The following NSUN2 variants were observed in gnomAD, a reference collection of about 807,000 sequenced individuals.
The protein encoded by NSUN2 is NOP2/Sun RNA methyltransferase 2.
NSUN2 carries 63 observed loss-of-function variants against 92.7 expected under a neutral mutation model. That is an observed-to-expected ratio of 0.68 (90% CI 0.56 to 0.84). NSUN2 has a LOEUF of 0.84. NSUN2 is among the 40% of genes least tolerant of loss of function. The pLI is 0.00. For synonymous variants in NSUN2, 356 were observed against 348.3 expected (o/e 1.02, Z -0.25); for missense variants, 989 against 964.9 (o/e 1.02, Z -0.33).
In NSUN2 at chr5:6,600,079, G is replaced by A. The variant is rs376834349; in HGVS notation, c.2151C>T (p.Leu717=). The A allele has an allele frequency of 1.1e-5, 18 of 1,614,080 alleles. No homozygotes were observed. Among genetic ancestry groups the A allele is most frequent in the Non-Finnish European group, 1.4e-5 (16 of 1,180,048 alleles). ...LGEKKKEGVI[L]TNESAASTGQ... ...CGGTGCTGGCTGCACTCTCATTTGT[G>A]AGGATAACCCCTTCCTTCTTCTTTT... Residue 717 remains leucine (L), a synonymous_variant, in exon 19 of 19, where the codon CTC becomes CTT. Coordinates refer to ENST00000264670, the MANE Select transcript of NSUN2 (RefSeq NM_017755.6).
intron 3 of NSUN2, among the ~76,000 whole-genome samples, chr5:6,628,705 AGAT>A (rs1310991089): frequency 1.3e-5 from 2 of 152,240 alleles, no homozygotes; most frequent in Non-Finnish European, 2.9e-5. Context: ...TAAAACTGAC[AGAT>A]GAATTTGAAT....
At chr5:6,602,113 TG>T (rs1419072393) in intron 18 of NSUN2, among the ~76,000 whole-genome samples, 2 of 152,222 alleles carry the variant, frequency 1.3e-5, no homozygotes, top group Admixed American at 6.5e-5. Flanking sequence ...GAACCAGCCA[TG>T]AGGACAAAAG....
rs766148258 is a variant in NSUN2, at chr5:6,599,934, G to A, written c.2296C>T (p.Pro766Ser). 1.2e-6 allele frequency: 2 copies of A among 1,612,614 alleles called. No individual in the cohort carries two copies. The highest frequency in any genetic ancestry group is 2.2e-5 in the South Asian group (2 of 91,040). Reference sequence around the variant, plus strand: ...CGCTGCCTTGGGCCTGCTCACCGGGGTGGATGGACCCCCGCCGGGTCACAG... The same window carrying A: ...CGCTGCCTTGGGCCTGCTCACCGGGATGGATGGACCCCCGCCGGGTCACAG... Reference protein sequence around the residue: ...AGCDPAGVHPPR With the variant: ...AGCDPAGVHPSR The change falls in exon 19 of 19, where the codon CCC becomes TCC. Residue 766 changes from proline (P) to serine (S), a missense_variant. Around this residue, in one of 3 missense-constraint regions of NSUN2, gnomAD observed 626 missense variants for 602.3 expected, o/e 1.04. Transcript: ENST00000264670.
chr5:6,620,204 G>C lies in NSUN2; in HGVS notation c.717C>G (p.Val239=), dbSNP rs888683182. Residue 239 remains valine, a synonymous_variant, in exon 7 of 19, where the codon GTC becomes GTG. Transcript: ENST00000264670. ...TGGGTATGCTGGAGGCATCATGGTTGACCACCATGATGCAGGGGCTGCTCA... is the reference window on the plus strand; with the variant it reads ...TGGGTATGCTGGAGGCATCATGGTTCACCACCATGATGCAGGGGCTGCTCA... ...KRLSSPCIMV[V]NHDASSIPRL... 1 of 1,613,190 alleles carries C rather than the reference G, an allele frequency of 6.2e-7. No homozygotes were observed. The highest frequency in any genetic ancestry group is 8.5e-7 in the Non-Finnish European group (1 of 1,179,720).
intron 6 of NSUN2, chr5:6,621,097 A>G (rs3756424): frequency 0.68 from 103,916 of 151,980 alleles, 35,714 homozygotes; most frequent in Middle Eastern, 0.74. Context: ...CTGAACAAAG[A>G]TAGGACGAGA....
Position 6,633,015 on chromosome 5 carries a change from G to T in NSUN2, c.-36C>A, listed in dbSNP as rs540629845. The T allele has an allele frequency of 2.1e-6, 3 of 1,412,800 alleles. No homozygotes were observed. Among genetic ancestry groups the T allele is most frequent in the South Asian group, 1.5e-5 (1 of 65,236 alleles). The allele number at this position is 1,412,800 out of a possible 1,614,324, so 87.5% of individuals were successfully genotyped here. ...GCCGCGCACGCAGCACGCAGAAACCGGCCCGCCACGGCCAGAACTCTAGCC... is the reference window on the plus strand; with the variant it reads ...GCCGCGCACGCAGCACGCAGAAACCTGCCCGCCACGGCCAGAACTCTAGCC... On this transcript the variant is annotated 5_prime_UTR_variant, in exon 1 of 19. Coordinates refer to ENST00000264670, the MANE Select transcript of NSUN2 (RefSeq NM_017755.6).
At chr5:6,618,455 A>T (rs1408410084) in intron 7 of NSUN2, among the ~76,000 whole-genome samples, 3 of 152,226 alleles carry the variant, frequency 2.0e-5, no homozygotes, top group Non-Finnish European at 4.4e-5. Flanking sequence ...ATATTAGCTA[A>T]ATTTTTCCTA....
At chr5:6,619,187 C>T (rs1295544047) in intron 7 of NSUN2, among the ~76,000 whole-genome samples, 2 of 152,132 alleles carry the variant, frequency 1.3e-5, no homozygotes, top group Admixed American at 1.3e-4. Flanking sequence ...AACTTTAGTT[C>T]ATGATGTATT....
Position 6,633,008 on chromosome 5 carries a change from AG to A in NSUN2, c.-30del, listed in dbSNP as rs1738004869. Reference sequence around the variant, plus strand: ...CCACGCGGCCGCGCACGCAGCACGCAGAAACCGGCCCGCCACGGCCAGAACT... The same window carrying A: ...CCACGCGGCCGCGCACGCAGCACGCAAAACCGGCCCGCCACGGCCAGAACT... On this transcript the variant is annotated 5_prime_UTR_variant, in exon 1 of 19. Coordinates refer to ENST00000264670, the MANE Select transcript of NSUN2 (RefSeq NM_017755.6). The A allele has an allele frequency of 7.0e-7, 1 of 1,422,934 alleles. No individual in the cohort carries two copies. The highest frequency in any genetic ancestry group is 9.1e-7 in the Non-Finnish European group (1 of 1,099,896). 88.1% of individuals were successfully genotyped at this position (1,422,934 alleles called of 1,614,324 possible). A position where few individuals can be genotyped will look rare whatever the true frequency, so the allele number is the denominator to read the frequency against.
intron 9 of NSUN2, among the ~76,000 whole-genome samples, chr5:6,615,231 G>A (rs927925141): frequency 6.6e-6 from 1 of 152,146 alleles, no homozygotes; most frequent in Non-Finnish European, 1.5e-5. Context: ...AACTAGGCAT[G>A]CAAATTAATA....
intron 13 of NSUN2, 23 bp downstream of exon 13, chr5:6,607,177 C>T (rs1736810582): frequency 6.2e-7 from 1 of 1,611,722 alleles, no homozygotes; most frequent in African/African-American, 1.3e-5. Flanking sequence ...CGTATTAGAT[C>T]AAGACATAAC....
intron 3 of NSUN2, among the ~76,000 whole-genome samples, chr5:6,630,351 G>A (rs1280976870): frequency 6.6e-6 from 1 of 152,148 alleles, no homozygotes; most frequent in African/African-American, 2.4e-5. Context: ...TGTGGCCCAG[G>A]CTGGAGTGCA....
At chr5:6,605,530 C>T (rs1276540279) in intron 14 of NSUN2, 122 bp from the exon 15 acceptor site, 2 of 959,772 alleles carry the variant, frequency 2.1e-6, no homozygotes, top group Non-Finnish European at 1.6e-6. Flanking sequence ...TTCAAGGGCA[C>T]TGGGCTCTGC....
chr5:6,621,775 T>G, intron 6 of NSUN2: 1 of 416,688 alleles, frequency 2.4e-6, no homozygotes, highest in Non-Finnish European at 4.3e-6. Context: ...ATGCCATTCG[T>G]TTTTATAGAA....
intron 9 of NSUN2, among the ~76,000 whole-genome samples, chr5:6,615,847 A>G (rs1737188268): frequency 6.6e-6 from 1 of 152,258 alleles, no homozygotes; most frequent in African/African-American, 2.4e-5. Context: ...CAAAACATAA[A>G]AGGAGAAATA....
In NSUN2 at chr5:6,600,158, G is replaced by T. The variant is rs755083313; in HGVS notation, c.2072C>A (p.Pro691His). The part of the protein sequence containing the change: ...RGKASIRTFV[P>H]KNERLHYLRM... ...GAGATAATGAAGCCGTTCATTCTTG[G>T]GCACAAAAGTTCGAATGGAGGCCTT... The change falls in exon 19 of 19, where the codon CCC becomes CAC. Residue 691 changes from proline to histidine, a missense_variant. Pro to His is a moderately conservative substitution (Grantham distance 77). This residue lies in a region of NSUN2 where 626 missense variants were observed against 602.3 expected (regional missense o/e 1.04). Transcript: ENST00000264670. 30 of 1,614,128 alleles carry T rather than the reference G, an allele frequency of 1.9e-5. No homozygotes were observed. The highest frequency in any genetic ancestry group is 2.5e-5 in the Non-Finnish European group (30 of 1,180,010).
chr5:6,633,037 A>G lies in NSUN2; in HGVS notation c.-58T>C. On this transcript the variant is annotated 5_prime_UTR_variant, in exon 1 of 19. Transcript: ENST00000264670. ...ACCGGCCCGCCACGGCCAGAACTCT[A>G]GCCCTACACCTCCCGGGACTTCCGG... 1 of 1,378,580 alleles carries G rather than the reference A, an allele frequency of 7.3e-7. No homozygotes were observed. Among genetic ancestry groups the G allele is most frequent in the East Asian group, 3.0e-5 (1 of 33,810 alleles). The allele number at this position is 1,378,580 out of a possible 1,614,324, so 85.4% of individuals were successfully genotyped here.
At chr5:6,629,332 A>G (rs1737775341) in intron 3 of NSUN2, among the ~76,000 whole-genome samples, 1 of 152,224 alleles carries the variant, frequency 6.6e-6, no homozygotes, top group Non-Finnish European at 1.5e-5. Context: ...TCCAAGTGTA[A>G]CTGTAGTTTG....
At chr5:6,600,776 C>A (rs115023096) in intron 18 of NSUN2, among the ~76,000 whole-genome samples, 1 of 152,184 alleles carries the variant, frequency 6.6e-6, no homozygotes, top group Admixed American at 6.5e-5. Flanking sequence ...TCAGTGTTAG[C>A]GTGATTTCTT....
Sources: allele counts gnomAD v4.1 joint callset (sites outside exome capture counted in the v4.1 genomes callset), GRCh38; gene constraint gnomAD v4.1.1; regional missense constraint gnomAD v4.1.1; transcripts MANE v1.5; gene names NCBI Gene and HGNC (gene_info 2026-07-23, HGNC 2026-07-21).